The following NOTCH2 variants were observed in gnomAD, a reference collection of about 807,000 sequenced individuals.
The protein encoded by NOTCH2 is notch receptor 2.
NOTCH2 carries 29 observed loss-of-function variants against 235.8 expected under a neutral mutation model. That is an observed-to-expected ratio of 0.12 (90% confidence interval 0.09 to 0.17). NOTCH2 has a LOEUF of 0.17. Among genes scored for constraint, NOTCH2 ranks in the 10% least tolerant of loss-of-function variants. The pLI is 1.00. For missense variants in NOTCH2, 2,285 were observed against 3,150.2 expected (o/e 0.73, Z 6.57); for synonymous variants, 1,086 against 1,141.5 (o/e 0.95, Z 0.98).
chr1:119,957,130 C>T (rs999657700), intron 12 of NOTCH2, among the ~76,000 whole-genome samples: 1 of 152,216 alleles, frequency 6.6e-6, no homozygotes, highest in Non-Finnish European at 1.5e-5. Context: ...GCGTTTCCTA[C>T]GTGCCAGACA....
intron 19 of NOTCH2, among the ~76,000 whole-genome samples, chr1:119,938,943 GTGC>G (rs1420108924): frequency 1.3e-5 from 2 of 152,156 alleles, no homozygotes; most frequent in East Asian, 1.9e-4. Context: ...GCCTCCCAAA[GTGC>G]TGGGATTACA....
intron 1 of NOTCH2, among the ~76,000 whole-genome samples, chr1:120,065,480 C>T (rs1423841807): frequency 2.0e-5 from 3 of 152,166 alleles, no homozygotes; most frequent in Non-Finnish European, 4.4e-5. Context: ...CGCATTTGTA[C>T]ACGAGATGGA....
rs58775950 is a variant in NOTCH2, at chr1:119,999,976, AAAGGAAGG to A, written c.416-2652_416-2645del. On this transcript the variant is annotated intron_variant, in intron 3 of 33. Coordinates refer to ENST00000256646, the MANE Select transcript of NOTCH2 (RefSeq NM_024408.4). ...GAAAGAAAGAAAGAAAGAAAGAAAG[AAAGGAAGG>A]AAGGAAGGAAGGAAGGAAGGAAGGA... Among the ~76,000 whole-genome samples the A allele has an allele frequency of 9.5e-3, 535 of 56,526 alleles. 13 individuals are homozygous for A. Among genetic ancestry groups the A allele is most frequent in the African/African-American group, 0.025 (361 of 14,166 alleles). The allele number at this position is 56,526 out of a possible 152,430, so 37.1% of individuals were successfully genotyped here.
intron 6 of NOTCH2, among the ~76,000 whole-genome samples, chr1:119,968,554 A>C (rs1210704570): frequency 6.6e-6 from 1 of 152,246 alleles, no homozygotes; most frequent in Non-Finnish European, 1.5e-5. Context: ...CAGATTTAGC[A>C]AATAAAATAG....
chr1:119,927,401 A>C (rs1397516138), intron 23 of NOTCH2, among the ~76,000 whole-genome samples: 4 of 152,208 alleles, frequency 2.6e-5, no homozygotes, highest in Non-Finnish European at 5.9e-5. Flanking sequence ...GTCTCTTCAA[A>C]TCACAGCAGC....
chr1:119,932,505 C>G (rs1253867205), intron 22 of NOTCH2, among the ~76,000 whole-genome samples: 1 of 152,030 alleles, frequency 6.6e-6, no homozygotes, highest in African/African-American at 2.4e-5. Flanking sequence ...GAAAATCACT[C>G]GAACCCAGGA....
Position 119,922,622 on chromosome 1 carries a change from C to T in NOTCH2, c.5002+14G>A, listed in dbSNP as rs1649325647. 1.2e-6 allele frequency: 2 copies of T among 1,613,804 alleles called. No individual in the cohort carries two copies. Among genetic ancestry groups the T allele is most frequent in the Non-Finnish European group, 8.5e-7 (1 of 1,180,054 alleles). ...TCCCCCGCCACCTTTCCCCTTTACACCAGTGCCACTCACTGACGACAGACA... is the reference window on the plus strand; with the variant it reads ...TCCCCCGCCACCTTTCCCCTTTACATCAGTGCCACTCACTGACGACAGACA... On this transcript the variant is annotated intron_variant, in intron 27 of 33. Transcript: ENST00000256646.
intron 3 of NOTCH2, among the ~76,000 whole-genome samples, chr1:119,997,951 G>C (rs1652537044): frequency 6.9e-6 from 1 of 145,552 alleles, no homozygotes; most frequent in South Asian, 2.3e-4. Flanking sequence ...TCCAGCCTGG[G>C]CGACACAGCA....
At position 119,953,503 on chromosome 1, in the gene NOTCH2, G is replaced by C. The variant is rs377181587; in HGVS notation, c.2365+40C>G. ...GTCAAGCAGTATGCAACAACAAGAAGACAAAGAGCAGACGCAGAAAGATGT... is the reference window on the plus strand; with the variant it reads ...GTCAAGCAGTATGCAACAACAAGAACACAAAGAGCAGACGCAGAAAGATGT... On this transcript the variant is annotated intron_variant, in intron 14 of 33. Transcript: ENST00000256646. The C allele has an allele frequency of 1.9e-6, 3 of 1,610,016 alleles. No homozygotes were observed. In the African/African-American group the frequency reaches 4.0e-5, roughly 22 times the overall value.
chr1:120,018,014 T>C (rs1209721438), intron 2 of NOTCH2, among the ~76,000 whole-genome samples: 3 of 151,464 alleles, frequency 2.0e-5, no homozygotes, highest in Non-Finnish European at 3.0e-5. Context: ...AAGAAAAGTG[T>C]TGGAGCCTTC....
At chr1:119,999,604 G>A (rs1454620438) in intron 3 of NOTCH2, among the ~76,000 whole-genome samples, 6 of 151,916 alleles carry the variant, frequency 3.9e-5, no homozygotes, top group Non-Finnish European at 7.4e-5. Context: ...TCCCTGGGCC[G>A]GAAGTGGTGG....
At chr1:119,934,578 T>G (rs1649780354) in intron 22 of NOTCH2, among the ~76,000 whole-genome samples, 1 of 152,214 alleles carries the variant, frequency 6.6e-6, no homozygotes, top group Admixed American at 6.5e-5. Context: ...CATTCCTTAA[T>G]AATCAGCCTA....
intron 19 of NOTCH2, among the ~76,000 whole-genome samples, chr1:119,938,326 T>G (rs1378606611): frequency 6.6e-6 from 1 of 152,148 alleles, no homozygotes; most frequent in African/African-American, 2.4e-5. Flanking sequence ...CTCTACTTAT[T>G]TCTGGTTAAA....
chr1:119,937,012 C>T (rs1334895548), intron 21 of NOTCH2, among the ~76,000 whole-genome samples: 1 of 152,154 alleles, frequency 6.6e-6, no homozygotes, highest in East Asian at 1.9e-4. Context: ...GTAAAATGCA[C>T]TCTGGTAGTG....
Position 119,914,442 on chromosome 1 carries a change from C to G in NOTCH2, c.*864G>C, listed in dbSNP as rs1648993383. The G allele has an allele frequency of 8.6e-6, 2 of 233,164 alleles. No individual in the cohort carries two copies. Among genetic ancestry groups the G allele is most frequent in the East Asian group, 1.2e-4 (2 of 16,592 alleles). The allele number at this position is 233,164 out of a possible 1,614,324, so 14.4% of individuals were successfully genotyped here. A position where few individuals can be genotyped will look rare whatever the true frequency, so the allele number is the denominator to read the frequency against. The stretch of plus-strand genomic sequence containing the variant: ...ACTTTACACTGACCAGGCCCATACA[C>G]AGAAAAACAACAAACTCACACCCTT... On this transcript the variant is annotated 3_prime_UTR_variant, in exon 34 of 34. Transcript: ENST00000256646.
At position 119,915,498 on chromosome 1, in the gene NOTCH2, G is replaced by C. The variant is rs147795348; in HGVS notation, c.7224C>G (p.Leu2408=). Residue 2408 remains leucine (L), a synonymous_variant, in exon 34 of 34, where the codon CTC becomes CTG. Transcript: ENST00000256646. ...AERTPSHSGH[L]QGEHPYLTPS... The stretch of plus-strand genomic sequence containing the variant: ...GTGTCAGGTAGGGATGCTCACCCTG[G>C]AGGTGACCACTGTGACTGGGTGTTC... 9.9e-6 allele frequency: 16 copies of C among 1,613,976 alleles called. No individual in the cohort carries two copies. Among genetic ancestry groups the C allele is most frequent in the Non-Finnish European group, 1.4e-5 (16 of 1,180,000 alleles).
chr1:120,029,584 C>T (rs587625069), intron 2 of NOTCH2, among the ~76,000 whole-genome samples: 183 of 152,196 alleles, frequency 1.2e-3, no homozygotes, highest in Non-Finnish European at 2.2e-3. Flanking sequence ...CTCCTGACCT[C>T]GTGATTCGCC....
At chr1:119,957,442 A>C (rs1352527255) in intron 12 of NOTCH2, among the ~76,000 whole-genome samples, 5 of 152,244 alleles carry the variant, frequency 3.3e-5, no homozygotes, top group Non-Finnish European at 7.3e-5. Flanking sequence ...ACTTAGTATT[A>C]AAACAAAAAA....
rs140832430 is a variant in NOTCH2 at position 119,915,829 on chromosome 1, C to T, written c.6893G>A (p.Arg2298Gln). 3.2e-4 allele frequency: 518 copies of T among 1,614,034 alleles called. No homozygotes were observed. Among genetic ancestry groups the T allele is most frequent in the Non-Finnish European group, 4.1e-4 (487 of 1,179,954 alleles). The change falls in exon 34 of 34, where the codon CGG (arginine) becomes CAG (glutamine). Residue 2298 changes from arginine (R) to glutamine (Q), a missense_variant. Coordinates refer to ENST00000256646, the MANE Select transcript of NOTCH2 (RefSeq NM_024408.4). ...PPEGKHITTP[R>Q]EPLPPIVTFQ... is the part of the protein sequence containing the mutation. ...AGTCACAATGGGGGGCAAGGGCTCCCGAGGGGTGGTTATGTGCTTCCCTTC... is the reference window on the plus strand; with the variant it reads ...AGTCACAATGGGGGGCAAGGGCTCCTGAGGGGTGGTTATGTGCTTCCCTTC...
Sources: allele counts gnomAD v4.1 joint callset (sites outside exome capture counted in the v4.1 genomes callset), GRCh38; gene constraint gnomAD v4.1.1; transcripts MANE v1.5; gene names NCBI Gene and HGNC (gene_info 2026-07-23, HGNC 2026-07-21).